TENM2: variants seen among roughly 807,000 people sequenced by gnomAD.
TENM2 encodes the protein teneurin transmembrane protein 2, also known as teneurin-2.
In TENM2, 52 loss-of-function variants were observed where a neutral mutation model predicts 245.2. The observed-to-expected ratio is 0.21, with a 90% CI of 0.17 to 0.27. The LOEUF is 0.27. TENM2 is among the 10% of genes least tolerant of loss of function. The pLI is 1.00. For missense variants in TENM2, 3,046 were observed against 3,666.8 expected (o/e 0.83, Z 4.37); for synonymous variants, 1,363 against 1,438.9 (o/e 0.95, Z 1.19).
chr5:168,195,749 T>G (rs1303959901), intron 15 of TENM2, among the ~76,000 whole-genome samples: 1 of 152,088 alleles, frequency 6.6e-6, no homozygotes, highest in Non-Finnish European at 1.5e-5. Flanking sequence ...TGCTTTCATC[T>G]GTGGCTTTAG....
At chr5:167,398,820 C>G (rs1041626132) in intron 2 of TENM2, among the ~76,000 whole-genome samples, 1 of 152,112 alleles carries the variant, frequency 6.6e-6, no homozygotes, top group Non-Finnish European at 1.5e-5. Context: ...TAGCGAAGTG[C>G]CTGGCACGTA....
chr5:168,042,885 T>G (rs998255561), intron 5 of TENM2, among the ~76,000 whole-genome samples: 1 of 152,200 alleles, frequency 6.6e-6, no homozygotes, highest in Admixed American at 6.5e-5. Flanking sequence ...GCTTCCCAGC[T>G]GCCACCTGGA....
chr5:167,817,737 C>T (rs575093537), intron 2 of TENM2, among the ~76,000 whole-genome samples: 65 of 152,276 alleles, frequency 4.3e-4, no homozygotes, highest in African/African-American at 1.3e-3. Context: ...ACCAATTTGT[C>T]GGATAGTGAG....
intron 2 of TENM2, among the ~76,000 whole-genome samples, chr5:167,830,096 G>T (rs1768336390): frequency 6.6e-6 from 1 of 152,134 alleles, no homozygotes; most frequent in Admixed American, 6.5e-5. Flanking sequence ...AGAGTTCTTG[G>T]CATTTTATTG....
rs927127769 is a variant in TENM2, at chr5:167,950,275, G to T, written c.713-2313G>T. On this transcript the variant is annotated intron_variant, in intron 3 of 28. Transcript: ENST00000518659. ...GGATATTGTCAGCACACAAGCAACC[G>T]CAGGAATTCTGCCCACGCATAACAC... is the stretch of plus-strand genomic sequence containing the variant. 2.6e-5 allele frequency among the ~76,000 whole-genome samples: 4 copies of T among 152,170 alleles called. No homozygotes were observed. The South Asian group carries it at 6.2e-4, about 24-fold the overall frequency.
At chr5:168,263,266 C>T (rs1768371726), downstream of TENM2, 3 of 158,872 alleles carry the variant, frequency 1.9e-5, no homozygotes, top group Admixed American at 1.8e-4. Context: ...TTACCTCACT[C>T]ATTCACATGT....
intron 25 of TENM2, among the ~76,000 whole-genome samples, chr5:168,243,053 G>A (rs949304428): frequency 6.6e-6 from 1 of 152,146 alleles, no homozygotes; most frequent in African/African-American, 2.4e-5. Flanking sequence ...AAAGTGAGGA[G>A]GTACCAGACA....
intron 2 of TENM2, among the ~76,000 whole-genome samples, chr5:167,770,328 G>T (rs1261255295): frequency 6.6e-6 from 1 of 152,142 alleles, no homozygotes; most frequent in Admixed American, 6.5e-5. Context: ...AAGTTAGACA[G>T]GTGGCAAGTT....
the TENM2 span, among the ~76,000 whole-genome samples, chr5:167,158,837 C>G: frequency 4.1e-5 from 6 of 146,468 alleles, no homozygotes; most frequent in African/African-American, 1.3e-4. Flanking sequence ...AACATTCAGT[C>G]CATAGCAGCC....
At chr5:167,521,202 G>A (rs1233101031) in intron 2 of TENM2, among the ~76,000 whole-genome samples, 1 of 151,966 alleles carries the variant, frequency 6.6e-6, no homozygotes, top group Admixed American at 6.6e-5. Flanking sequence ...CAGAGACAAA[G>A]GTTGCCGAAA....
At chr5:167,825,063 A>G (rs1050887306) in intron 2 of TENM2, among the ~76,000 whole-genome samples, 2 of 151,972 alleles carry the variant, frequency 1.3e-5, no homozygotes, top group Admixed American at 6.6e-5. Context: ...CCACTTGGAA[A>G]TCTGGTTGGG....
At chr5:167,193,954 G>A in the TENM2 span, among the ~76,000 whole-genome samples, 1 of 151,942 alleles carries the variant, frequency 6.6e-6, no homozygotes, top group East Asian at 1.9e-4. Context: ...AGGAAACTGA[G>A]AGTCTCAAAG....
chr5:168,211,603 A>G, intron 19 of TENM2, 131 bp from the exon 22 acceptor site: 1 of 602,090 alleles, frequency 1.7e-6, no homozygotes, highest in Non-Finnish European at 2.9e-6. Flanking sequence ...TGTCAGTTAC[A>G]GGGGAAAAAA....
chr5:168,021,346 G>C (rs1037651576), intron 5 of TENM2, among the ~76,000 whole-genome samples: 1 of 152,142 alleles, frequency 6.6e-6, no homozygotes. Context: ...TTGCTTAAAG[G>C]AGCAAATGAT....
intron 2 of TENM2, among the ~76,000 whole-genome samples, chr5:167,681,625 TTATA>T (rs10669024): frequency 2.0e-5 from 3 of 151,498 alleles, no homozygotes; most frequent in Middle Eastern, 6.8e-3. Flanking sequence ...ATGTATTTGT[TTATA>T]TATATATGCC....
intron 2 of TENM2, among the ~76,000 whole-genome samples, chr5:167,783,479 C>T (rs145592224): frequency 1.3e-5 from 2 of 152,248 alleles, no homozygotes; most frequent in African/African-American, 4.8e-5. Flanking sequence ...TTTAACAAGC[C>T]CTCTACAGCA....
Position 168,251,198 on chromosome 5 carries a change from G to C in TENM2, c.7432+2827G>C, listed in dbSNP as rs1767083899. Among the ~76,000 whole-genome samples, 3 of 152,322 alleles carry C rather than the reference G, an allele frequency of 2.0e-5. No homozygotes were observed. The South Asian group carries it at 6.2e-4, about 32-fold the overall frequency. On this transcript the variant is annotated intron_variant, in intron 27 of 28. Coordinates refer to ENST00000518659, the Ensembl canonical transcript of TENM2. ...CAATAAAGAGAAACCCACAGTGTGG[G>C]CTGAACAGACATGTCCCGCTGCCAA...
the TENM2 span, among the ~76,000 whole-genome samples, chr5:167,170,576 A>G: frequency 2.0e-5 from 3 of 152,320 alleles, no homozygotes; most frequent in Middle Eastern, 3.4e-3. Context: ...TTAAGTTTCT[A>G]TATGACACTC....
At chr5:167,956,273 C>G (rs1780551479) in intron 4 of TENM2, among the ~76,000 whole-genome samples, 1 of 152,090 alleles carries the variant, frequency 6.6e-6, no homozygotes, top group Admixed American at 6.5e-5. Context: ...CTCTGTTTGT[C>G]TGTTATTGGT....
Sources: gnomAD v4.1 joint callset for allele counts (sites outside exome capture counted in the v4.1 genomes callset) on GRCh38, gnomAD v4.1.1 for gene constraint, MANE v1.5 for transcripts, NCBI Gene and HGNC (gene_info 2026-07-23, HGNC 2026-07-21) for gene names.